Variants in SYN2 observed in about 807,000 individuals in gnomAD.
SYN2 encodes the protein synapsin II, also known as synapsin-2.
SYN2 carries 19 observed loss-of-function variants against 50.9 expected under a neutral mutation model. The ratio of observed to expected loss-of-function variants is 0.37; its 90% CI spans 0.26 to 0.55. SYN2 has a LOEUF of 0.55. SYN2 is among the 20% of genes least tolerant of loss of function. The pLI, the probability that SYN2 is intolerant of heterozygous loss-of-function variation, is 0.81. For missense variants in SYN2, 587 were observed against 576.4 expected (o/e 1.02, Z -0.19); for synonymous variants, 255 against 224.9 (o/e 1.13, Z -1.20).
chr3:12,006,697 G>A (rs910709991), intron 1 of SYN2, among the ~76,000 whole-genome samples: 8 of 152,178 alleles, frequency 5.3e-5, no homozygotes, highest in Non-Finnish European at 8.8e-5. Context: ...TTAATAACAA[G>A]CTCCCTCTAG....
At chr3:12,163,241 CA>C (rs11404808) in intron 7 of SYN2, among the ~76,000 whole-genome samples, 105 of 122,526 alleles carry the variant, frequency 8.6e-4, no homozygotes, top group African/African-American at 2.4e-3. Flanking sequence ...GACTCTGTCT[CA>C]AAAAAAAAAA....
chr3:12,057,612 CT>C (rs1695023032), intron 1 of SYN2, among the ~76,000 whole-genome samples: 1 of 151,992 alleles, frequency 6.6e-6, no homozygotes, highest in African/African-American at 2.4e-5. Flanking sequence ...AGAAAGTTGG[CT>C]TTATATTTTG....
intron 1 of SYN2, among the ~76,000 whole-genome samples, chr3:12,104,425 G>A (rs944856032): frequency 4.0e-5 from 6 of 151,582 alleles, no homozygotes; most frequent in Non-Finnish European, 8.8e-5. Flanking sequence ...TGAAGGCCAA[G>A]CATCAAAAAA....
At chr3:12,122,359 C>T (rs573172659) in intron 1 of SYN2, among the ~76,000 whole-genome samples, 2 of 152,274 alleles carry the variant, frequency 1.3e-5, no homozygotes, top group South Asian at 4.1e-4. Flanking sequence ...AATTAAGAGA[C>T]TCTCGAGGCT....
chr3:12,065,685 C>T (rs1293542493), intron 1 of SYN2, among the ~76,000 whole-genome samples: 2 of 152,048 alleles, frequency 1.3e-5, no homozygotes, highest in Non-Finnish European at 2.9e-5. Flanking sequence ...CAACAGTAGA[C>T]ACTGGGGACT....
chr3:12,091,415 T>C (rs1260289371), intron 1 of SYN2, among the ~76,000 whole-genome samples: 1 of 152,184 alleles, frequency 6.6e-6, no homozygotes, highest in Admixed American at 6.5e-5. Flanking sequence ...GTGATCTATA[T>C]GGGAAAATTT....
chr3:12,034,000 C>G (rs1382182520), intron 1 of SYN2, among the ~76,000 whole-genome samples: 1 of 152,110 alleles, frequency 6.6e-6, no homozygotes, highest in African/African-American at 2.4e-5. Context: ...TATTTATGTA[C>G]AAGTTGTTGT....
intron 1 of SYN2, among the ~76,000 whole-genome samples, chr3:12,098,906 T>C (rs1574939626): frequency 1.4e-5 from 2 of 139,514 alleles, no homozygotes; most frequent in East Asian, 2.3e-4. Flanking sequence ...CAAAAGAGAG[T>C]TGGAATGACT....
intron 1 of SYN2, among the ~76,000 whole-genome samples, chr3:12,038,421 G>A (rs770814098): frequency 6.6e-6 from 1 of 151,858 alleles, no homozygotes; most frequent in Non-Finnish European, 1.5e-5. Flanking sequence ...CCTTTGAATT[G>A]CCATATGGAT....
chr3:12,005,780 G>A (rs1055937802), intron 1 of SYN2, among the ~76,000 whole-genome samples: 8 of 151,902 alleles, frequency 5.3e-5, no homozygotes, highest in Non-Finnish European at 1.0e-4. Flanking sequence ...CTTCTAAAGA[G>A]ATAGGTAGCA....
intron 8 of SYN2, among the ~76,000 whole-genome samples, 189 bp downstream of exon 8, chr3:12,167,497 A>G (rs895537846): frequency 3.9e-5 from 6 of 152,202 alleles, no homozygotes; most frequent in African/African-American, 1.4e-4. Flanking sequence ...TGATAGAGTT[A>G]AAGACTGCAC....
intron 1 of SYN2, among the ~76,000 whole-genome samples, chr3:12,040,893 T>C (rs897274132): frequency 4.6e-5 from 7 of 152,206 alleles, no homozygotes; most frequent in Non-Finnish European, 1.0e-4. Context: ...TAGGGGAATA[T>C]GTGCTTCTCT....
chr3:12,085,264 G>A (rs1362655615), intron 1 of SYN2, among the ~76,000 whole-genome samples: 2 of 151,608 alleles, frequency 1.3e-5, no homozygotes, highest in Non-Finnish European at 2.9e-5. Context: ...TTCAAAAACT[G>A]TAAAAAAAGA....
At chr3:12,104,075 G>A (rs1696129078) in intron 1 of SYN2, among the ~76,000 whole-genome samples, 1 of 152,010 alleles carries the variant, frequency 6.6e-6, no homozygotes, top group African/African-American at 2.4e-5. Context: ...ATAAAGCTTG[G>A]AAAAAAGAAT....
chr3:12,094,614 G>A (rs1695890117), intron 1 of SYN2, among the ~76,000 whole-genome samples: 1 of 152,206 alleles, frequency 6.6e-6, no homozygotes, highest in African/African-American at 2.4e-5. Flanking sequence ...AGATGAGGGG[G>A]TGAGTGTAAT....
chr3:12,070,635 G>T (rs574292328), intron 1 of SYN2: 1 of 1,367,554 alleles, frequency 7.3e-7, no homozygotes, highest in African/African-American at 1.5e-5. Context: ...GTCCATGTAC[G>T]TGGCCATCCA....
intron 1 of SYN2, among the ~76,000 whole-genome samples, chr3:12,012,668 C>A (rs2125131205): frequency 6.6e-6 from 1 of 152,280 alleles, no homozygotes; most frequent in East Asian, 1.9e-4. Context: ...ATGCTCTTGT[C>A]CTGGTTCTCT....
intron 5 of SYN2, among the ~76,000 whole-genome samples, chr3:12,160,307 G>T (rs1482747199): frequency 6.6e-6 from 1 of 152,046 alleles, no homozygotes; most frequent in Non-Finnish European, 1.5e-5. Context: ...AAGTAGAGTT[G>T]AACTACGTGA....
intron 5 of SYN2, chr3:12,156,768 C>G: frequency 6.8e-7 from 1 of 1,474,612 alleles, no homozygotes; most frequent in Non-Finnish European, 9.5e-7. Flanking sequence ...TCACTACCTC[C>G]CCTAGGGCAG....
Sources: allele counts gnomAD v4.1 joint callset (sites outside exome capture counted in the v4.1 genomes callset), GRCh38; gene constraint gnomAD v4.1.1; transcripts MANE v1.5; gene names NCBI Gene and HGNC (gene_info 2026-07-23, HGNC 2026-07-21).